The following ZBED6 variants were observed in gnomAD, a reference collection of about 807,000 sequenced individuals.
ZBED6 encodes zinc finger BED domain-containing protein 6.
A neutral mutation model predicts 58.4 loss-of-function variants in ZBED6; 40 were observed. The observed-to-expected ratio is 0.68, with a 90% CI of 0.53 to 0.89. The LOEUF is 0.89. ZBED6 is among the 40% of genes least tolerant of loss of function. The probability of loss-of-function intolerance (pLI) is 0.00; values close to 1 mark genes in which losing one functional copy is unlikely to be tolerated. For missense variants in ZBED6, 1,057 were observed against 1,003.9 expected (o/e 1.05, Z -0.71); for synonymous variants, 439 against 350.6 (o/e 1.25, Z -2.82).
At chr1:203,813,973 T>G (rs1412025433) in intron 1 of ZBED6, among the ~76,000 whole-genome samples, 1 of 3,162 alleles carries the variant, frequency 3.2e-4, no homozygotes, top group Non-Finnish European at 5.7e-4. Flanking sequence ...ACATTCTTGT[T>G]TTTTTTTTTT....
At chr1:203,796,435 T>TCC (rs1377260224) in exon 1 of ZBED6, 1 of 398,930 alleles carries the variant, frequency 2.5e-6, no homozygotes, top group Non-Finnish European at 4.4e-6. Flanking sequence ...CAGGGACACT[T>TCC]CCGTTCTCCT....
rs1172626934 is a variant in ZBED6, at chr1:203,847,715, C to T, written c.*4245+28C>T. ...AACAAGAGAACTTGGTCTCTAGTACCACGTCCCCACATAATATTCCAGAGG... is the reference window on the plus strand; with the variant it reads ...AACAAGAGAACTTGGTCTCTAGTACTACGTCCCCACATAATATTCCAGAGG... On this transcript the variant is annotated intron_variant, in intron 12 of 16. Coordinates refer to ENST00000550078, the Ensembl canonical transcript of ZBED6. The T allele has an allele frequency of 1.9e-6, 3 of 1,597,880 alleles. No homozygotes were observed. The South Asian group carries it at 3.4e-5, about 18-fold the overall frequency.
intron 3 of ZBED6, among the ~76,000 whole-genome samples, chr1:203,823,670 T>A (rs1679521202): frequency 6.6e-6 from 1 of 152,246 alleles, no homozygotes; most frequent in African/African-American, 2.4e-5. Context: ...CTAACTCTTT[T>A]CTGCACTGAG....
exon 1 of ZBED6, chr1:203,802,417 T>A (rs1011027165): frequency 6.5e-6 from 1 of 152,686 alleles, no homozygotes; most frequent in South Asian, 2.1e-4. Context: ...TATATTTCTA[T>A]ACATTTTTGT....
chr1:203,799,502 G>T, exon 1 of ZBED6: 1 of 703,018 alleles, frequency 1.4e-6, no homozygotes, highest in Non-Finnish European at 2.6e-6. Context: ...GGCTCTTGGA[G>T]CATTGCTACT....
At chr1:203,850,101 TC>T (rs1175061958) in intron 14 of ZBED6, 75 bp downstream of exon 14, 1 of 1,379,426 alleles carries the variant, frequency 7.2e-7, no homozygotes, top group African/African-American at 1.5e-5. Flanking sequence ...GCCAGTAACT[TC>T]CTGGCAACAA....
intron 1 of ZBED6, among the ~76,000 whole-genome samples, chr1:203,803,968 A>C (rs7518201): frequency 0.19 from 28,991 of 151,994 alleles, 3,286 homozygotes; most frequent in East Asian, 0.45. Flanking sequence ...AATAAACTCT[A>C]ATTGGGATTT....
chr1:203,819,868 A>G (rs1677916958), intron 3 of ZBED6, among the ~76,000 whole-genome samples: 1 of 151,706 alleles, frequency 6.6e-6, no homozygotes, highest in African/African-American at 2.4e-5. Context: ...ATTAACATTG[A>G]TATATTACCA....
At chr1:203,797,653 A>G (rs1194926743) in exon 1 of ZBED6, 1 of 1,536,106 alleles carries the variant, frequency 6.5e-7, no homozygotes, top group South Asian at 1.2e-5. Context: ...GATGTGGTAG[A>G]GGAAAAGATG....
intron 1 of ZBED6, among the ~76,000 whole-genome samples, chr1:203,805,064 A>G (rs1196369957): frequency 6.6e-6 from 1 of 152,154 alleles, no homozygotes; most frequent in African/African-American, 2.4e-5. Context: ...TCAAATATCA[A>G]GAAATATTCA....
At chr1:203,850,887 G>A (rs554233477) in intron 15 of ZBED6, among the ~76,000 whole-genome samples, 170 bp from the exon 16 acceptor site, 1 of 152,126 alleles carries the variant, frequency 6.6e-6, no homozygotes, top group Non-Finnish European at 1.5e-5. Context: ...TAATTTTTAG[G>A]TGGCAAGATA....
At chr1:203,828,739 T>G (rs1681348053) in intron 4 of ZBED6, among the ~76,000 whole-genome samples, 1 of 151,528 alleles carries the variant, frequency 6.6e-6, no homozygotes, top group Admixed American at 6.5e-5. Flanking sequence ...CTGCCTGTTT[T>G]GTAAAATAAG....
chr1:203,799,026 T>C, exon 1 of ZBED6: 3 of 1,536,168 alleles, frequency 2.0e-6, no homozygotes, highest in Non-Finnish European at 2.6e-6. Context: ...GACTGTACAC[T>C]GGGTTTCTTT....
chr1:203,802,719 T>TC (rs902884305), exon 1 of ZBED6: 2 of 143,192 alleles, frequency 1.4e-5, no homozygotes, highest in African/African-American at 5.1e-5. Flanking sequence ...GAACTCTTTT[T>TC]TTTTGTTTTT....
chr1:203,847,183 GATAAAGTTA>G lies in ZBED6; in HGVS notation c.*3750_*3758del, dbSNP rs770152288. On this transcript the variant is annotated splice_region_variant and 3_prime_UTR_variant, in exon 12 of 17. Transcript: ENST00000550078. Reference sequence around the variant, plus strand: ...GACATGTTTTTCTCCTGTGAAAACAGATAAAGTTAATAAAGTTGGTGAGATCCATGTGAA... The same window carrying G: ...GACATGTTTTTCTCCTGTGAAAACAGATAAAGTTGGTGAGATCCATGTGAA... 24 of 1,612,338 alleles carry G rather than the reference GATAAAGTTA, an allele frequency of 1.5e-5. No homozygotes were observed. In the South Asian group the frequency reaches 2.5e-4, roughly 17 times the overall value.
chr1:203,824,295 GA>G (rs1310005514), intron 3 of ZBED6, among the ~76,000 whole-genome samples: 15 of 151,360 alleles, frequency 9.9e-5, no homozygotes, highest in Admixed American at 7.9e-4. Context: ...AAAAAAGAGG[GA>G]AAATAATTTA....
intron 7 of ZBED6, 131 bp from the exon 8 acceptor site, chr1:203,831,529 GA>G (rs1682369449): frequency 7.2e-6 from 5 of 695,994 alleles, no homozygotes; most frequent in Non-Finnish European, 1.2e-5. Flanking sequence ...AACAGATACA[GA>G]AAGGCTGATT....
intron 11 of ZBED6, among the ~76,000 whole-genome samples, chr1:203,844,362 G>T (rs1305180849): frequency 6.6e-6 from 1 of 151,478 alleles, no homozygotes; most frequent in Admixed American, 6.6e-5. Context: ...GTTTCACCCT[G>T]TTGGCCAGGC....
exon 1 of ZBED6, chr1:203,798,019 A>G: frequency 6.5e-7 from 1 of 1,533,248 alleles, no homozygotes; most frequent in Non-Finnish European, 8.7e-7. Context: ...CCAGGTAGCC[A>G]TCTTGGTACA....
Sources: gnomAD v4.1 joint callset for allele counts (sites outside exome capture counted in the v4.1 genomes callset) on GRCh38, gnomAD v4.1.1 for gene constraint, MANE v1.5 for transcripts, NCBI Gene and HGNC (gene_info 2026-07-23, HGNC 2026-07-21) for gene names.